The following AGXT2 variants were observed in gnomAD, a reference collection of about 807,000 sequenced individuals.
The protein encoded by AGXT2 is alanine--glyoxylate aminotransferase 2, also known as alanine--glyoxylate aminotransferase 2, mitochondrial.
A neutral mutation model predicts 62.5 loss-of-function variants in AGXT2; 61 were observed. The ratio of observed to expected loss-of-function variants is 0.98; its 90% confidence interval spans 0.79 to 1.21. The LOEUF is 1.21. Among genes scored for constraint, AGXT2 ranks in the 50% most tolerant of loss-of-function variants. The pLI is 0.00. For synonymous variants in AGXT2, 243 were observed against 218.7 expected (o/e 1.11, Z -0.98); for missense variants, 666 against 641.5 (o/e 1.04, Z -0.41).
chr5:35,026,347 G>A, intron 8 of AGXT2, 63 bp downstream of exon 8: 1 of 1,303,098 alleles, frequency 7.7e-7, no homozygotes, highest in Non-Finnish European at 1.1e-6. Flanking sequence ...TAGAATATAT[G>A]AGTTAAAACT....
At chr5:35,011,048 C>G (rs968322003) in intron 11 of AGXT2, among the ~76,000 whole-genome samples, 2 of 152,176 alleles carry the variant, frequency 1.3e-5, no homozygotes, top group African/African-American at 4.8e-5. Flanking sequence ...ATGAAATATA[C>G]TATATTTTTA....
chr5:35,035,416 G>A, intron 4 of AGXT2, 100 bp from the exon 5 acceptor site: 1 of 965,234 alleles, frequency 1.0e-6, no homozygotes, highest in Non-Finnish European at 1.7e-6. Flanking sequence ...TGAGTATTAA[G>A]GAGAGTTCCC....
At chr5:35,033,648 G>A in intron 5 of AGXT2, 95 bp from the exon 6 acceptor site, 1 of 940,562 alleles carries the variant, frequency 1.1e-6, no homozygotes, top group Non-Finnish European at 1.7e-6. Context: ...AGATGAAATA[G>A]AACATCATTC....
intron 12 of AGXT2, among the ~76,000 whole-genome samples, chr5:35,005,028 G>A (rs185262585): frequency 2.1e-4 from 32 of 152,300 alleles, no homozygotes; most frequent in Non-Finnish European, 1.5e-5. Context: ...GAGGGAGAGG[G>A]AAGGACTAGA....
At chr5:35,003,948 T>A (rs754663408) in intron 12 of AGXT2, 87 bp from the exon 13 acceptor site, 12 of 1,270,200 alleles carry the variant, frequency 9.4e-6, no homozygotes, top group Non-Finnish European at 1.3e-5. Context: ...GAAAAACCCT[T>A]CAGCCATCAA....
At chr5:35,026,778 G>T in intron 7 of AGXT2, 1 of 938,016 alleles carries the variant, frequency 1.1e-6, no homozygotes. Context: ...TTCCATCTGG[G>T]GAAGAAACGT....
chr5:35,041,651 T>C (rs1561236031), intron 1 of AGXT2, among the ~76,000 whole-genome samples: 3 of 152,078 alleles, frequency 2.0e-5, no homozygotes, highest in African/African-American at 7.2e-5. Context: ...TTAAGATAAT[T>C]TTATAGGTGG....
chr5:35,039,533 C>G, intron 2 of AGXT2, 25 bp from the exon 3 acceptor site: 1 of 1,608,552 alleles, frequency 6.2e-7, no homozygotes, highest in Non-Finnish European at 8.5e-7. Context: ...GATTTAAACC[C>G]ACACACTTCT....
intron 12 of AGXT2, among the ~76,000 whole-genome samples, chr5:35,005,570 G>C (rs771116886): frequency 6.6e-6 from 1 of 151,922 alleles, no homozygotes; most frequent in Non-Finnish European, 1.5e-5. Context: ...GCTTCACCCC[G>C]ACCTTGCTCT....
rs767566256 is a variant in AGXT2 at position 35,047,763 on chromosome 5, G to A, written c.88+42C>T. On this transcript the variant is annotated intron_variant, in intron 1 of 13. Transcript: ENST00000231420. ...TTCGGAGCTCAAGTCTTACCCTCTC[G>A]CTGATCCTCTACTGACCCACGTCCC... 1.9e-5 allele frequency: 30 copies of A among 1,609,494 alleles called. No individual in the cohort carries two copies. In the East Asian group the frequency reaches 4.5e-4, roughly 24 times the overall value.
chr5:35,010,280 C>G, intron 11 of AGXT2, 131 bp from the exon 12 acceptor site: 1 of 1,144,586 alleles, frequency 8.7e-7, no homozygotes, highest in Admixed American at 1.7e-5. Context: ...TCTAGTGTGA[C>G]CACAAGGACT....
intron 1 of AGXT2, among the ~76,000 whole-genome samples, chr5:35,045,012 G>T (rs578156603): frequency 6.6e-6 from 1 of 152,288 alleles, no homozygotes; most frequent in Non-Finnish European, 1.5e-5. Flanking sequence ...GCATATATTA[G>T]GAAATTGGTA....
At chr5:35,029,492 C>T (rs1767483159) in intron 7 of AGXT2, among the ~76,000 whole-genome samples, 1 of 152,190 alleles carries the variant, frequency 6.6e-6, no homozygotes, top group Non-Finnish European at 1.5e-5. Context: ...GCACTAGCTG[C>T]ATTGACTCAT....
At chr5:35,040,436 G>T in intron 2 of AGXT2, 139 bp downstream of exon 2, 2 of 795,986 alleles carry the variant, frequency 2.5e-6, no homozygotes, top group South Asian at 1.4e-5. Context: ...TGCTTCCAAT[G>T]ACTTAGAGGT....
chr5:35,012,519 C>T (rs921399883), intron 11 of AGXT2: 3 of 221,872 alleles, frequency 1.4e-5, no homozygotes, highest in African/African-American at 6.9e-5. Context: ...GGGTGAACAG[C>T]TGAATTACCT....
At chr5:35,035,623 G>A (rs539137545) in intron 4 of AGXT2, among the ~76,000 whole-genome samples, 2 of 152,202 alleles carry the variant, frequency 1.3e-5, no homozygotes, top group African/African-American at 2.4e-5. Flanking sequence ...TGAGGGGCAC[G>A]CAGTGGTGAG....
intron 7 of AGXT2, 142 bp downstream of exon 7, chr5:35,032,590 G>C: frequency 1.3e-6 from 1 of 760,396 alleles, no homozygotes; most frequent in Non-Finnish European, 2.3e-6. Context: ...GAATAACTTG[G>C]TTACTTTCCA....
chr5:35,004,522 C>T (rs1432123995), intron 12 of AGXT2, among the ~76,000 whole-genome samples: 1 of 152,196 alleles, frequency 6.6e-6, no homozygotes, highest in African/African-American at 2.4e-5. Context: ...TGACTTGCAT[C>T]CTTTCTGTGC....
intron 13 of AGXT2, among the ~76,000 whole-genome samples, chr5:34,999,296 T>G (rs1766142649): frequency 6.6e-6 from 1 of 152,186 alleles, no homozygotes. Context: ...CACTACAGCT[T>G]TCCTTTTCAT....
Sources: gnomAD v4.1 joint callset for allele counts (sites outside exome capture counted in the v4.1 genomes callset) on GRCh38, gnomAD v4.1.1 for gene constraint, MANE v1.5 for transcripts, NCBI Gene and HGNC (gene_info 2026-07-23, HGNC 2026-07-21) for gene names.